HS6ST3: variants seen among roughly 807,000 people sequenced by gnomAD.
HS6ST3 encodes heparan sulfate 6-O-sulfotransferase 3.
Under a neutral mutation model 36.7 loss-of-function variants are expected in HS6ST3, and 12 were observed. That is an observed-to-expected ratio of 0.33 (90% CI 0.21 to 0.53). The LOEUF is 0.53. HS6ST3 is among the 20% of genes least tolerant of loss of function. The probability of loss-of-function intolerance (pLI) is 0.95; values close to 1 mark genes in which losing one functional copy is unlikely to be tolerated. For synonymous variants in HS6ST3, 240 were observed against 257.5 expected (o/e 0.93, Z 0.65); for missense variants, 584 against 640.9 (o/e 0.91, Z 0.96).
intron 1 of HS6ST3, among the ~76,000 whole-genome samples, chr13:96,773,913 C>A (rs938406811): frequency 6.6e-6 from 1 of 152,186 alleles, no homozygotes; most frequent in Non-Finnish European, 1.5e-5. Flanking sequence ...TTGACAGACA[C>A]CTCATACAGG....
rs66777701 is a variant in HS6ST3, at chr13:96,769,734, C to CTGTGTGTGTG, written c.708-62725_708-62716dup. 4.2e-3 allele frequency among the ~76,000 whole-genome samples: 586 copies of CTGTGTGTGTG among 140,298 alleles called. 4 individuals carry two copies. The highest frequency in any genetic ancestry group is 0.015 in the African/African-American group (551 of 36,076). The allele number at this position is 140,298 out of a possible 152,430, so 92.0% of individuals were successfully genotyped here. ...TTTAATTTGTTTCTCATTCCTAGCTCTGTGTGTGTGTGTGTGTGTGTGTGT... is the reference window on the plus strand; with the variant it reads ...TTTAATTTGTTTCTCATTCCTAGCTCTGTGTGTGTGTGTGTGTGTGTGTGTGTGTGTGTGT... On this transcript the variant is annotated intron_variant, in intron 1 of 1. Transcript: ENST00000376705.
chr13:96,561,382 C>T (rs1005164980), intron 1 of HS6ST3, among the ~76,000 whole-genome samples: 1 of 152,090 alleles, frequency 6.6e-6, no homozygotes, highest in Non-Finnish European at 1.5e-5. Context: ...CAAAAATTAA[C>T]TCAAGATGGC....
At chr13:96,236,570 T>C (rs528440318) in intron 1 of HS6ST3, among the ~76,000 whole-genome samples, 69 of 152,296 alleles carry the variant, frequency 4.5e-4, no homozygotes, top group Middle Eastern at 6.8e-3. Context: ...TTTACCTTTC[T>C]TCTTCTGTTA....
At chr13:96,372,755 T>C (rs912529770) in intron 1 of HS6ST3, among the ~76,000 whole-genome samples, 3 of 152,224 alleles carry the variant, frequency 2.0e-5, no homozygotes, top group African/African-American at 7.2e-5. Flanking sequence ...TAGCCAGTTT[T>C]CCCAGCAGTA....
chr13:96,266,005 A>G (rs967757761), intron 1 of HS6ST3, among the ~76,000 whole-genome samples: 1 of 152,168 alleles, frequency 6.6e-6, no homozygotes, highest in Admixed American at 6.5e-5. Context: ...TCCATGAAGT[A>G]GGAATTATCA....
chr13:96,592,853 T>C (rs991856742), intron 1 of HS6ST3, among the ~76,000 whole-genome samples: 16 of 152,106 alleles, frequency 1.1e-4, no homozygotes, highest in Admixed American at 9.2e-4. Context: ...CTTGCTGCCT[T>C]TAGGACCCTT....
rs190344248 is a variant in HS6ST3, at chr13:96,767,467, A to G, written c.708-65023A>G. 2.3e-3 allele frequency among the ~76,000 whole-genome samples: 355 copies of G among 152,326 alleles called. 2 individuals carry two copies. Among genetic ancestry groups the G allele is most frequent in the African/African-American group, 7.7e-3 (321 of 41,578 alleles). ...GAAGTTATGAAAAAATGGCTTTGGTATGTATGTGTTGTGTAGGGTAGTGAG... is the reference window on the plus strand; with the variant it reads ...GAAGTTATGAAAAAATGGCTTTGGTGTGTATGTGTTGTGTAGGGTAGTGAG... On this transcript the variant is annotated intron_variant, in intron 1 of 1. Transcript: ENST00000376705.
chr13:96,174,020 T>C (rs1195021907), intron 1 of HS6ST3, among the ~76,000 whole-genome samples: 1 of 151,502 alleles, frequency 6.6e-6, no homozygotes, highest in East Asian at 1.9e-4. Context: ...ATACTACTTT[T>C]GGAAGGCTTT....
intron 1 of HS6ST3, among the ~76,000 whole-genome samples, chr13:96,401,071 A>G (rs891267189): frequency 6.6e-6 from 1 of 152,174 alleles, no homozygotes; most frequent in Non-Finnish European, 1.5e-5. Context: ...TTTCAGCTGC[A>G]TAGGGAAGAC....
chr13:96,442,228 G>C (rs1343136967), intron 1 of HS6ST3, among the ~76,000 whole-genome samples: 2 of 152,030 alleles, frequency 1.3e-5, no homozygotes, highest in Non-Finnish European at 2.9e-5. Flanking sequence ...TGCCCAGACT[G>C]GTCTTGAACT....
chr13:96,709,298 C>T (rs1875504553), intron 1 of HS6ST3, among the ~76,000 whole-genome samples: 1 of 152,156 alleles, frequency 6.6e-6, no homozygotes, highest in Non-Finnish European at 1.5e-5. Context: ...TTATAAATTA[C>T]CCAGTCTCAG....
At chr13:96,235,521 C>CAAAT (rs2054530514) in intron 1 of HS6ST3, among the ~76,000 whole-genome samples, 1 of 152,006 alleles carries the variant, frequency 6.6e-6, no homozygotes, top group African/African-American at 2.4e-5. Context: ...CCATTCCTAG[C>CAAAT]AAATAAATCT....
intron 1 of HS6ST3, among the ~76,000 whole-genome samples, chr13:96,149,383 A>T (rs1471580817): frequency 6.6e-6 from 1 of 152,058 alleles, no homozygotes; most frequent in African/African-American, 2.4e-5. Flanking sequence ...TTTTTATAGC[A>T]TTTTTCATTT....
intron 1 of HS6ST3, among the ~76,000 whole-genome samples, chr13:96,586,183 T>C (rs1300322391): frequency 6.6e-6 from 1 of 152,224 alleles, no homozygotes; most frequent in Non-Finnish European, 1.5e-5. Flanking sequence ...TTTTGTCATT[T>C]TGATAATATA....
chr13:96,228,553 AC>A (rs1051589963), intron 1 of HS6ST3, among the ~76,000 whole-genome samples: 1 of 152,184 alleles, frequency 6.6e-6, no homozygotes, highest in Non-Finnish European at 1.5e-5. Flanking sequence ...GGTGTGGACC[AC>A]CGTGCCCGGC....
chr13:96,585,201 A>G (rs999249463), intron 1 of HS6ST3, among the ~76,000 whole-genome samples: 1 of 152,186 alleles, frequency 6.6e-6, no homozygotes, highest in South Asian at 2.1e-4. Context: ...TTTCTGGACT[A>G]TACTTGGCAC....
At chr13:96,545,204 A>G (rs556926106) in intron 1 of HS6ST3, among the ~76,000 whole-genome samples, 1 of 152,206 alleles carries the variant, frequency 6.6e-6, no homozygotes, top group South Asian at 2.1e-4. Context: ...GTTTGCTTAC[A>G]TTTCTGCTAC....
At chr13:96,281,154 C>T (rs558632829) in intron 1 of HS6ST3, among the ~76,000 whole-genome samples, 38 of 152,104 alleles carry the variant, frequency 2.5e-4, no homozygotes, top group African/African-American at 6.3e-4. Context: ...TACAGGTGCG[C>T]GCCACCACAC....
intron 1 of HS6ST3, among the ~76,000 whole-genome samples, chr13:96,674,288 C>G (rs2056691800): frequency 6.6e-6 from 1 of 152,076 alleles, no homozygotes; most frequent in Admixed American, 6.6e-5. Flanking sequence ...CTGAGGCCTC[C>G]CAAGCCATGC....
Sources: gnomAD v4.1 joint callset for allele counts (sites outside exome capture counted in the v4.1 genomes callset) on GRCh38, gnomAD v4.1.1 for gene constraint, MANE v1.5 for transcripts, NCBI Gene and HGNC (gene_info 2026-07-23, HGNC 2026-07-21) for gene names.